The following GALNT17 variants were observed in gnomAD, a reference collection of about 807,000 sequenced individuals.
GALNT17 encodes the protein UDP-GalNAc:polypeptide N-acetylgalactosaminyltransferase-like 3.
In GALNT17, 29 loss-of-function variants were observed where a neutral mutation model predicts 63.7. That is an observed-to-expected ratio of 0.46 (90% CI 0.34 to 0.62). GALNT17 has a LOEUF of 0.62. Among genes scored for constraint, GALNT17 ranks in the 20% least tolerant of loss-of-function variants. The pLI is 0.01. For missense variants in GALNT17, 603 were observed against 799.6 expected (o/e 0.75, Z 2.97); for synonymous variants, 305 against 318.3 (o/e 0.96, Z 0.45).
chr7:71,584,025 G>A (rs1046548285), intron 6 of GALNT17, among the ~76,000 whole-genome samples: 13 of 152,170 alleles, frequency 8.5e-5, no homozygotes, highest in South Asian at 6.2e-4. Context: ...CCAGCTGCTC[G>A]GGAGGCTGAG....
At chr7:71,232,225 C>T (rs1479582111) in intron 1 of GALNT17, among the ~76,000 whole-genome samples, 1 of 152,018 alleles carries the variant, frequency 6.6e-6, no homozygotes, top group Non-Finnish European at 1.5e-5. Context: ...ATCCCTGAGG[C>T]CTACACATTT....
intron 5 of GALNT17, among the ~76,000 whole-genome samples, chr7:71,473,719 G>A (rs73177429): frequency 0.2 from 30,852 of 152,050 alleles, 3,685 homozygotes; most frequent in South Asian, 0.26. Flanking sequence ...AGTCAGTGGG[G>A]TGGCCTAGGC....
chr7:71,551,770 AAAAG>A (rs1789080452), intron 5 of GALNT17, among the ~76,000 whole-genome samples: 1 of 102,066 alleles, frequency 9.8e-6, no homozygotes, highest in Non-Finnish European at 2.6e-5. Flanking sequence ...AAAAAAAAAA[AAAAG>A]AGAGAGAGAG....
chr7:71,177,186 C>A (rs1277644958), intron 1 of GALNT17, among the ~76,000 whole-genome samples: 1 of 152,134 alleles, frequency 6.6e-6, no homozygotes, highest in Non-Finnish European at 1.5e-5. Context: ...AGACACTGAT[C>A]TCTCTTGGTA....
At chr7:71,670,368 G>A (rs1791051319) in intron 8 of GALNT17, among the ~76,000 whole-genome samples, 2 of 152,160 alleles carry the variant, frequency 1.3e-5, no homozygotes, top group East Asian at 1.9e-4. Context: ...TCCTGTTTGG[G>A]AAATTTTGAC....
chr7:71,334,261 A>G (rs556647949), intron 1 of GALNT17, among the ~76,000 whole-genome samples: 1 of 152,312 alleles, frequency 6.6e-6, no homozygotes, highest in African/African-American at 2.4e-5. Flanking sequence ...GGTGATGGGG[A>G]ACCGTCTCAC....
At chr7:71,404,498 C>T (rs1793293224) in intron 3 of GALNT17, among the ~76,000 whole-genome samples, 2 of 152,168 alleles carry the variant, frequency 1.3e-5, no homozygotes, top group African/African-American at 4.8e-5. Context: ...CCATAGTCAG[C>T]AAGTGCATTA....
rs1449642505 is a variant in GALNT17 at position 71,536,508 on chromosome 7, G to A, written c.963-34777G>A. Among the ~76,000 whole-genome samples, 4 of 152,208 alleles carry A rather than the reference G, an allele frequency of 2.6e-5. 1 individual carries two copies. Among genetic ancestry groups the A allele is most frequent in the African/African-American group, 2.4e-5 (1 of 41,468 alleles). ...GTTGGGGAGGCCTCAGAATCATGGC[G>A]GGAGGTGAAAGGCACTTCTTACATG... On this transcript the variant is annotated intron_variant, in intron 5 of 10. Transcript: ENST00000333538.
At position 71,156,773 on chromosome 7, in the gene GALNT17, G is replaced by A. The variant is rs148677462; in HGVS notation, c.238+23733G>A. Among the ~76,000 whole-genome samples the A allele has an allele frequency of 4.1e-3, 608 of 149,862 alleles. 18 individuals carry two copies. Among genetic ancestry groups the A allele is most frequent in the African/African-American group, 0.014 (580 of 40,414 alleles). On this transcript the variant is annotated intron_variant, in intron 1 of 10. Transcript: ENST00000333538. ...TTGCCCAGGCTCACTGCCCAGGAGTGCAGTGGTGCAATCATAGCTCACTGC... is the reference window on the plus strand; with the variant it reads ...TTGCCCAGGCTCACTGCCCAGGAGTACAGTGGTGCAATCATAGCTCACTGC...
chr7:71,433,624 C>T (rs939809370), intron 5 of GALNT17, among the ~76,000 whole-genome samples: 12 of 152,144 alleles, frequency 7.9e-5, no homozygotes, highest in Non-Finnish European at 1.5e-4. Flanking sequence ...GAACGTTTCT[C>T]TCTGGTTAAC....
chr7:71,672,250 A>G (rs934108017), intron 8 of GALNT17, among the ~76,000 whole-genome samples: 2 of 152,230 alleles, frequency 1.3e-5, no homozygotes, highest in African/African-American at 4.8e-5. Context: ...AAAATAAATC[A>G]ATTTAGATTC....
chr7:71,135,057 G>T (rs912293269), intron 1 of GALNT17, among the ~76,000 whole-genome samples: 1 of 151,944 alleles, frequency 6.6e-6, no homozygotes, highest in Non-Finnish European at 1.5e-5. Flanking sequence ...TTGCTAGGTT[G>T]TCCAGGCTGG....
intron 5 of GALNT17, among the ~76,000 whole-genome samples, chr7:71,492,063 T>C (rs956979530): frequency 5.9e-5 from 9 of 152,078 alleles, no homozygotes; most frequent in African/African-American, 1.9e-4. Flanking sequence ...GGGCAGATCA[T>C]GAGGTCAGGA....
intron 5 of GALNT17, among the ~76,000 whole-genome samples, chr7:71,496,918 A>T (rs201152643): frequency 0.018 from 2,044 of 110,988 alleles, 51 homozygotes; most frequent in African/African-American, 0.072. Flanking sequence ...TACAAAAATT[A>T]AAAAAAAAAA....
intron 1 of GALNT17, among the ~76,000 whole-genome samples, chr7:71,307,208 C>T (rs7789691): frequency 0.018 from 2,685 of 152,200 alleles, 67 homozygotes; most frequent in African/African-American, 0.061. Context: ...TTTGCAGAAC[C>T]GCCATACTGT....
chr7:71,625,109 A>T (rs1433858895), intron 6 of GALNT17, among the ~76,000 whole-genome samples: 2 of 151,924 alleles, frequency 1.3e-5, no homozygotes, highest in African/African-American at 2.4e-5. Flanking sequence ...AACCAAGTCC[A>T]TGTCACTTCT....
intron 1 of GALNT17, among the ~76,000 whole-genome samples, chr7:71,173,525 C>A (rs1788582156): frequency 6.6e-6 from 1 of 152,188 alleles, no homozygotes; most frequent in Non-Finnish European, 1.5e-5. Context: ...GTATTCCCAG[C>A]ACTTTGGGAG....
At chr7:71,612,848 A>G (rs975968870) in intron 6 of GALNT17, among the ~76,000 whole-genome samples, 24 of 152,182 alleles carry the variant, frequency 1.6e-4, no homozygotes, top group Non-Finnish European at 7.3e-5. Context: ...TCCCTGCATG[A>G]ACCATTCGGT....
intron 9 of GALNT17, among the ~76,000 whole-genome samples, chr7:71,687,803 G>C (rs59764092): frequency 0.026 from 3,963 of 152,224 alleles, 180 homozygotes; most frequent in African/African-American, 0.088. Flanking sequence ...CGGTGGTGCA[G>C]TCAGCTCACT....
Sources: gnomAD v4.1 joint callset for allele counts (sites outside exome capture counted in the v4.1 genomes callset) on GRCh38, gnomAD v4.1.1 for gene constraint, MANE v1.5 for transcripts, NCBI Gene and HGNC (gene_info 2026-07-23, HGNC 2026-07-21) for gene names.